Variants in MICU3 observed in about 807,000 individuals in gnomAD.
MICU3 encodes the protein mitochondrial calcium uptake 3.
MICU3 carries 62 observed loss-of-function variants against 66.5 expected under a neutral mutation model. The ratio of observed to expected loss-of-function variants is 0.93; its 90% CI spans 0.76 to 1.15. The LOEUF is 1.15. Among genes scored for constraint, MICU3 ranks in the 50% most tolerant of loss-of-function variants. The probability of loss-of-function intolerance (pLI) is 0.00; values close to 1 mark genes in which losing one functional copy is unlikely to be tolerated. For missense variants in MICU3, 779 were observed against 664.4 expected (o/e 1.17, Z -1.90); for synonymous variants, 308 against 240.7 (o/e 1.28, Z -2.59).
chr8:17,046,174 G>C (rs1414632051), intron 1 of MICU3, among the ~76,000 whole-genome samples: 1 of 152,204 alleles, frequency 6.6e-6, no homozygotes, highest in Non-Finnish European at 1.5e-5. Context: ...TGGAGGCCTG[G>C]ACTTGTAAAT....
chr8:17,080,240 C>T (rs1820980204), intron 4 of MICU3, among the ~76,000 whole-genome samples: 1 of 152,008 alleles, frequency 6.6e-6, no homozygotes, highest in African/African-American at 2.4e-5. Context: ...TATAATATAT[C>T]ATGGGTTTCA....
At position 17,098,475 on chromosome 8, in the gene MICU3, T is replaced by C. The variant is rs1431904584; in HGVS notation, c.906T>C (p.Ala302=). 1 of 1,610,160 alleles carries C rather than the reference T, an allele frequency of 6.2e-7. No individual in the cohort carries two copies. The highest frequency in any genetic ancestry group is 8.5e-7 in the Non-Finnish European group (1 of 1,176,954). The part of the protein sequence containing the change: ...SPTNSVLKTD[A]EELVSRSYWD... ...TTCTACAGGTACTTAAAACAGATGC[T>C]GAGGAACTTGTCTCCAGAAGCTATT... Residue 302 remains alanine, a synonymous_variant, in exon 9 of 15, where the codon GCT becomes GCC. Coordinates refer to ENST00000318063, the MANE Select transcript of MICU3 (RefSeq NM_181723.3).
chr8:17,129,596 C>G, the MICU3 span, among the ~76,000 whole-genome samples: 178 of 152,158 alleles, frequency 1.2e-3, no homozygotes, highest in African/African-American at 3.8e-3. Context: ...GCTATCCAAA[C>G]TGATGCACAA....
intron 1 of MICU3, among the ~76,000 whole-genome samples, chr8:17,039,401 T>C (rs762091297): frequency 6.6e-6 from 1 of 152,184 alleles, no homozygotes; most frequent in Non-Finnish European, 1.5e-5. Context: ...ATAAGCTAAT[T>C]CTATGTGGAA....
At chr8:17,037,155 C>G (rs1052381194) in intron 1 of MICU3, among the ~76,000 whole-genome samples, 1 of 152,178 alleles carries the variant, frequency 6.6e-6, no homozygotes, top group African/African-American at 2.4e-5. Flanking sequence ...CTCCAGCTGG[C>G]CCACAAGCGC....
intron 8 of MICU3, among the ~76,000 whole-genome samples, chr8:17,096,096 A>G (rs1800655629): frequency 6.6e-6 from 1 of 151,954 alleles, no homozygotes; most frequent in Non-Finnish European, 1.5e-5. Flanking sequence ...TAAAGGGGCC[A>G]GTAGCTCAGA....
At chr8:17,112,241 C>T (rs914754940) in intron 11 of MICU3, among the ~76,000 whole-genome samples, 1 of 152,056 alleles carries the variant, frequency 6.6e-6, no homozygotes, top group Admixed American at 6.6e-5. Context: ...GAGTTTATTC[C>T]GGTACTCTCA....
intron 1 of MICU3, among the ~76,000 whole-genome samples, chr8:17,033,718 G>A (rs1812478969): frequency 6.6e-6 from 1 of 152,130 alleles, no homozygotes; most frequent in Admixed American, 6.5e-5. Context: ...ATTACAGTGT[G>A]AGCCACCGTG....
chr8:17,041,471 G>A lies in MICU3; in HGVS notation c.381+13811G>A, dbSNP rs1031624685. ...TGGAGGTGATAATCAGATTACAGTT[G>A]GATAAGCTGAGTAAATGTGAAGAAA... On this transcript the variant is annotated intron_variant, in intron 1 of 14. Coordinates refer to ENST00000318063, the MANE Select transcript of MICU3 (RefSeq NM_181723.3). Among the ~76,000 whole-genome samples the A allele has an allele frequency of 9.2e-5, 14 of 152,238 alleles. 1 individual carries two copies. Among genetic ancestry groups the A allele is most frequent in the African/African-American group, 2.9e-4 (12 of 41,556 alleles).
intron 1 of MICU3, among the ~76,000 whole-genome samples, chr8:17,053,873 C>G (rs762047186): frequency 1.2e-4 from 19 of 152,084 alleles, no homozygotes; most frequent in Non-Finnish European, 2.4e-4. Flanking sequence ...AAATAATTTC[C>G]TAGAAGGTGT....
At chr8:17,080,884 C>T (rs909803738) in intron 4 of MICU3, among the ~76,000 whole-genome samples, 3 of 152,046 alleles carry the variant, frequency 2.0e-5, no homozygotes, top group African/African-American at 4.8e-5. Flanking sequence ...TTTTACCAAG[C>T]GTCAGAACTA....
chr8:17,053,066 A>G (rs1816364534), intron 1 of MICU3, among the ~76,000 whole-genome samples: 1 of 152,184 alleles, frequency 6.6e-6, no homozygotes, highest in South Asian at 2.1e-4. Context: ...TGAATAAAAC[A>G]AATGTGTCTT....
intron 1 of MICU3, among the ~76,000 whole-genome samples, chr8:17,044,972 G>A (rs529817696): frequency 1.3e-5 from 2 of 151,836 alleles, no homozygotes; most frequent in East Asian, 1.9e-4. Context: ...TGGTCAAGTG[G>A]CCCTGTCTAA....
At chr8:17,038,668 T>C (rs1429441417) in intron 1 of MICU3, among the ~76,000 whole-genome samples, 1 of 152,064 alleles carries the variant, frequency 6.6e-6, no homozygotes, top group East Asian at 1.9e-4. Context: ...AGTCCGTCGA[T>C]GTGGCAGACT....
chr8:17,035,953 A>T (rs567362093), intron 1 of MICU3, among the ~76,000 whole-genome samples: 2 of 152,312 alleles, frequency 1.3e-5, no homozygotes, highest in Non-Finnish European at 2.9e-5. Flanking sequence ...CTGGAAGCCT[A>T]GGAGGAAAAA....
At chr8:17,138,070 TG>T in the MICU3 span, among the ~76,000 whole-genome samples, 1 of 151,950 alleles carries the variant, frequency 6.6e-6, no homozygotes, top group Admixed American at 6.6e-5. Flanking sequence ...AGAATTATAA[TG>T]GAGGAAGGAA....
intron 1 of MICU3, among the ~76,000 whole-genome samples, chr8:17,059,267 A>T (rs1817466609): frequency 6.6e-6 from 1 of 152,218 alleles, no homozygotes; most frequent in South Asian, 2.1e-4. Context: ...GAAAACGTGA[A>T]GAAACAAGAG....
At chr8:17,138,411 C>T in the MICU3 span, among the ~76,000 whole-genome samples, 1 of 151,990 alleles carries the variant, frequency 6.6e-6, no homozygotes, top group African/African-American at 2.4e-5. Flanking sequence ...GGGTGGTGGA[C>T]CACGAGGAAA....
chr8:17,037,467 C>T lies in MICU3; in HGVS notation c.381+9807C>T, dbSNP rs181806123. Reference sequence around the variant, plus strand: ...GGCCAATGTAGAGCTCAGGCCATTGCTTCAGAAGGTGCAAGCCCTAAGCCT... The same window carrying T: ...GGCCAATGTAGAGCTCAGGCCATTGTTTCAGAAGGTGCAAGCCCTAAGCCT... On this transcript the variant is annotated intron_variant, in intron 1 of 14. Coordinates refer to ENST00000318063, the MANE Select transcript of MICU3 (RefSeq NM_181723.3). 3.9e-5 allele frequency among the ~76,000 whole-genome samples: 6 copies of T among 152,340 alleles called. No homozygotes were observed. The South Asian group carries it at 1.0e-3, about 26-fold the overall frequency.
Sources: gnomAD v4.1 joint callset for allele counts (sites outside exome capture counted in the v4.1 genomes callset) on GRCh38, gnomAD v4.1.1 for gene constraint, MANE v1.5 for transcripts, NCBI Gene and HGNC (gene_info 2026-07-23, HGNC 2026-07-21) for gene names.